Variants in CCP110 observed in about 807,000 individuals in gnomAD.
CCP110 encodes centriolar coiled-coil protein of 110 kDa.
Under a neutral mutation model 105.5 loss-of-function variants are expected in CCP110, and 43 were observed. The observed-to-expected ratio is 0.41, with a 90% CI of 0.32 to 0.53. The LOEUF is 0.53. Ranked by LOEUF, CCP110 falls within the 20% of genes least tolerant of loss-of-function variation. The probability of loss-of-function intolerance (pLI) is 0.32; values close to 1 mark genes in which losing one functional copy is unlikely to be tolerated. For missense variants in CCP110, 1,016 were observed against 1,189.1 expected (o/e 0.85, Z 2.14); for synonymous variants, 353 against 392.1 (o/e 0.90, Z 1.18).
chr16:19,552,967 G>A (rs927985826), exon 15 of CCP110: 9 of 152,192 alleles, frequency 5.9e-5, no homozygotes, highest in African/African-American at 2.2e-4. Flanking sequence ...GTATCAAATT[G>A]TCTTCTTAAT....
intron 14 of CCP110, among the ~76,000 whole-genome samples, chr16:19,549,496 G>A (rs562530803): frequency 1.3e-5 from 2 of 152,188 alleles, no homozygotes; most frequent in East Asian, 3.8e-4. Flanking sequence ...CCTTTTGTAT[G>A]TATGTAGTGA....
exon 5 of CCP110, chr16:19,540,721 A>T (rs142241611): frequency 6.2e-7 from 1 of 1,613,488 alleles, no homozygotes; most frequent in African/African-American, 1.3e-5. Flanking sequence ...GACTAGAAGA[A>T]CAGCACGCCC....
chr16:19,536,461 A>T, exon 4 of CCP110: 1 of 1,614,056 alleles, frequency 6.2e-7, no homozygotes, highest in Non-Finnish European at 8.5e-7. Flanking sequence ...TAGACAAAGA[A>T]CATGATGCTG....
intron 14 of CCP110, among the ~76,000 whole-genome samples, chr16:19,549,084 A>G (rs996655694): frequency 6.6e-6 from 1 of 152,128 alleles, no homozygotes; most frequent in African/African-American, 2.4e-5. Context: ...ATCTCTCCTT[A>G]TGTTCATTAT....
intron 9 of CCP110, 97 bp from the exon 10 acceptor site, chr16:19,544,997 A>C (rs889476546): frequency 1.1e-5 from 11 of 988,222 alleles, no homozygotes; most frequent in Non-Finnish European, 1.7e-5. Flanking sequence ...AAACTATTTT[A>C]ATCTTTTTCT....
intron 2 of CCP110, among the ~76,000 whole-genome samples, chr16:19,530,788 T>TA (rs1969839286): frequency 6.6e-6 from 1 of 152,084 alleles, no homozygotes. Context: ...ACCCCTTGTC[T>TA]ACTAAAAATA....
chr16:19,536,433 T>C, exon 4 of CCP110: 2 of 1,613,704 alleles, frequency 1.2e-6, no homozygotes, highest in South Asian at 1.1e-5. Context: ...ATCAACAGAA[T>C]TGTTAATGAG....
chr16:19,545,980 AAG>A (rs1970445407), intron 11 of CCP110, 90 bp downstream of exon 11: 1 of 765,402 alleles, frequency 1.3e-6, no homozygotes, highest in East Asian at 2.5e-5. Context: ...TTTAGAAATA[AAG>A]AGTTAATTTT....
chr16:19,550,820 T>A (rs1419909077), intron 14 of CCP110, among the ~76,000 whole-genome samples: 1 of 152,244 alleles, frequency 6.6e-6, no homozygotes, highest in Non-Finnish European at 1.5e-5. Flanking sequence ...TGACTTACGG[T>A]TTTAAAACAC....
chr16:19,545,181 G>T lies in CCP110; in HGVS notation c.2674G>T (p.Val892Phe), dbSNP rs556543609. The change falls in exon 10 of 15, where the codon GTT becomes TTT. Residue 892 changes from valine to phenylalanine, a missense_variant. Physicochemically the swap from Val to Phe is conservative, Grantham distance 50. Transcript: ENST00000381396. ...GTCTATTCTACATCATGATCGAGAA[G>T]TTCGCAAAGAGAAAATGCTCAGGCA... The T allele has an allele frequency of 3.7e-6, 6 of 1,607,002 alleles. No homozygotes were observed. Among genetic ancestry groups the T allele is most frequent in the Non-Finnish European group, 5.1e-6 (6 of 1,175,474 alleles).
intron 2 of CCP110, among the ~76,000 whole-genome samples, chr16:19,528,579 C>A (rs1419219368): frequency 1.3e-5 from 2 of 151,970 alleles, no homozygotes; most frequent in Non-Finnish European, 2.9e-5. Flanking sequence ...CTGTCAGGGG[C>A]AGTATAGAGT....
chr16:19,545,898 T>C lies in CCP110; in HGVS notation c.2777+8T>C. The C allele has an allele frequency of 6.6e-7, 1 of 1,520,164 alleles. No individual in the cohort carries two copies. Among genetic ancestry groups the C allele is most frequent in the Non-Finnish European group, 9.1e-7 (1 of 1,097,646 alleles). 94.2% of individuals were successfully genotyped at this position (1,520,164 alleles called of 1,614,324 possible). On this transcript the variant is annotated splice_region_variant and intron_variant, in intron 11 of 14. Transcript: ENST00000381396. ...TAGGAAGAAATACATGAAGTAAGTT[T>C]TTTGTATCATGTCATGTTAGTTATC...
intron 12 of CCP110, chr16:19,547,710 G>C (rs1313891257): frequency 5.1e-6 from 2 of 394,564 alleles, no homozygotes; most frequent in Non-Finnish European, 4.5e-6. Flanking sequence ...AAAGCACAAG[G>C]GTTAGTCTAT....
At chr16:19,527,998 T>A (rs1969734737) in exon 2 of CCP110, 1 of 1,612,988 alleles carries the variant, frequency 6.2e-7, no homozygotes, top group African/African-American at 1.3e-5. Context: ...TTCGCTTTCA[T>A]GGAGTGGCTA....
In CCP110 at chr16:19,548,465, C is replaced by T. The variant is rs1597281494; in HGVS notation, c.2901-50C>T. 4.2e-6 allele frequency: 5 copies of T among 1,178,272 alleles called. No individual in the cohort carries two copies. The East Asian group carries it at 1.3e-4, about 30-fold the overall frequency. 73.0% of individuals were successfully genotyped at this position (1,178,272 alleles called of 1,614,324 possible). A position where few individuals can be genotyped will look rare whatever the true frequency, so the allele number is the denominator to read the frequency against. ...GTGATTGCTTTCTTTGAATTTTGAA[C>T]ATTTAGACCTTAATGCCAGTGACTT... On this transcript the variant is annotated intron_variant, in intron 13 of 14. Coordinates refer to ENST00000381396, the Ensembl canonical transcript of CCP110. The surrounding 1 kb of genome is among the most constrained non-coding windows in gnomAD (Gnocchi z 4.1).
chr16:19,549,069 G>A (rs1181608147), intron 14 of CCP110, among the ~76,000 whole-genome samples: 1 of 152,096 alleles, frequency 6.6e-6, no homozygotes, highest in Admixed American at 6.6e-5. Flanking sequence ...CAAAGCTTGA[G>A]CTAAATCTCT....
chr16:19,534,351 T>C (rs537799682), intron 3 of CCP110, among the ~76,000 whole-genome samples: 20 of 152,330 alleles, frequency 1.3e-4, no homozygotes, highest in African/African-American at 4.6e-4. Flanking sequence ...TGTTGAACTG[T>C]AATGAATTAA....
intron 8 of CCP110, among the ~76,000 whole-genome samples, chr16:19,543,929 G>A (rs1254613737): frequency 3.9e-5 from 6 of 152,162 alleles, no homozygotes; most frequent in Non-Finnish European, 8.8e-5. Context: ...CTTATCAGTA[G>A]TTCTGATTTT....
chr16:19,546,447 T>A (rs1970461840), exon 12 of CCP110: 1 of 1,588,592 alleles, frequency 6.3e-7, no homozygotes, highest in Non-Finnish European at 8.6e-7. Flanking sequence ...AAGAAATTTC[T>A]GGTTAAACAA....
Sources: allele counts gnomAD v4.1 joint callset (sites outside exome capture counted in the v4.1 genomes callset), GRCh38; gene constraint gnomAD v4.1.1; non-coding constraint Gnocchi (gnomAD v3.1); transcripts MANE v1.5; gene names NCBI Gene and HGNC (gene_info 2026-07-23, HGNC 2026-07-21).